The following DOP1B variants were observed in gnomAD, a reference collection of about 807,000 sequenced individuals.
The protein encoded by DOP1B is protein DOP1B.
In DOP1B, 174 loss-of-function variants were observed where a neutral mutation model predicts 233.5. The ratio of observed to expected loss-of-function variants is 0.75; its 90% CI spans 0.66 to 0.85. The LOEUF is 0.85. DOP1B is among the 40% of genes least tolerant of loss of function. The pLI, the probability that DOP1B is intolerant of heterozygous loss-of-function variation, is 0.00. For synonymous variants in DOP1B, 1,190 were observed against 1,185.6 expected (o/e 1.00, Z -0.08); for missense variants, 2,652 against 2,846.6 (o/e 0.93, Z 1.56).
intron 2 of DOP1B, among the ~76,000 whole-genome samples, chr21:36,198,167 C>T: frequency 6.6e-6 from 1 of 152,060 alleles, no homozygotes; most frequent in East Asian, 1.9e-4. Context: ...CAGTGGATCA[C>T]ATCTGTAATT....
rs147068237 is a variant in DOP1B at position 36,238,399 on chromosome 21, A to G, written c.2776-202A>G. Reference sequence around the variant, plus strand: ...AGTTCTGAATGTGCCGCTGTGTTAAAGTGAACAATCAGAGAGAGAGGATGC... The same window carrying G: ...AGTTCTGAATGTGCCGCTGTGTTAAGGTGAACAATCAGAGAGAGAGGATGC... On this transcript the variant is annotated intron_variant, in intron 16 of 36. Transcript: ENST00000691173. Among the ~76,000 whole-genome samples, 3 of 152,308 alleles carry G rather than the reference A, an allele frequency of 2.0e-5. No individual in the cohort carries two copies. In the East Asian group the frequency reaches 5.8e-4, roughly 29 times the overall value.
At chr21:36,252,752 C>A (rs959761404) in intron 22 of DOP1B, among the ~76,000 whole-genome samples, 2 of 152,084 alleles carry the variant, frequency 1.3e-5, no homozygotes, top group African/African-American at 4.8e-5. Flanking sequence ...CCTCGTGATC[C>A]GCCTGCCTCG....
At chr21:36,161,560 C>T (rs1369519585) in intron 1 of DOP1B, among the ~76,000 whole-genome samples, 1 of 152,014 alleles carries the variant, frequency 6.6e-6, no homozygotes, top group African/African-American at 2.4e-5. Context: ...TTGTTTGTGA[C>T]CCAGGCTGGT....
Position 36,294,156 on chromosome 21 carries a change from A to T in DOP1B, c.*585A>T, listed in dbSNP as rs1409925494. ...CAAAATTTGTAATATGAAGTAAAGT[A>T]TGAAGATAATGAAGAAGTTGTTTTC... On this transcript the variant is annotated 3_prime_UTR_variant, in exon 37 of 37. Coordinates refer to ENST00000691173, the MANE Select transcript of DOP1B (RefSeq NM_001320714.2). 6.5e-6 allele frequency: 1 copy of T among 153,076 alleles called. No individual in the cohort carries two copies. Among genetic ancestry groups the T allele is most frequent in the Non-Finnish European group, 1.5e-5 (1 of 68,384 alleles). 9.5% of individuals were successfully genotyped at this position (153,076 alleles called of 1,614,324 possible). A position where few individuals can be genotyped will look rare whatever the true frequency, so the allele number is the denominator to read the frequency against.
At chr21:36,196,455 G>C (rs2066290889) in intron 2 of DOP1B, among the ~76,000 whole-genome samples, 1 of 151,718 alleles carries the variant, frequency 6.6e-6, no homozygotes, top group Non-Finnish European at 1.5e-5. Flanking sequence ...TTCCTTCTCT[G>C]CTGCTACCGT....
intron 12 of DOP1B, among the ~76,000 whole-genome samples, chr21:36,227,436 G>A (rs149100715): frequency 0.036 from 5,295 of 146,346 alleles, 171 homozygotes; most frequent in African/African-American, 0.089. Context: ...AGTCCCAGCT[G>A]CTCGGGAGGC....
At position 36,281,531 on chromosome 21, in the gene DOP1B, C is replaced by T; in HGVS notation, c.6080C>T (p.Ala2027Val). 6.2e-7 allele frequency: 1 copy of T among 1,610,034 alleles called. No individual in the cohort carries two copies. The highest frequency in any genetic ancestry group is 8.5e-7 in the Non-Finnish European group (1 of 1,176,642). The change falls in exon 32 of 37, where the codon GCC (alanine) becomes GTC (valine). Residue 2027 changes from alanine to valine, a missense_variant. This residue lies in a region of DOP1B where 2,617 missense variants were observed against 2,794.3 expected (regional missense o/e 0.94). Transcript: ENST00000691173. ...CTATTCTCAAGTTTTGAACAGAAAG[C>T]CATGCTGTTAAAGCGCCAGGCTTTT... Reference protein sequence around the residue: ...LKLFSSFEQKAMLLKRQAFAV... With the variant: ...LKLFSSFEQKVMLLKRQAFAV...
Position 36,169,848 on chromosome 21 carries a change from G to A in DOP1B, c.138+4977G>A, listed in dbSNP as rs558667857. 3.5e-5 allele frequency: 31 copies of A among 894,932 alleles called. No individual in the cohort carries two copies. The East Asian group carries it at 4.8e-4, about 14-fold the overall frequency. 55.4% of individuals were successfully genotyped at this position (894,932 alleles called of 1,614,324 possible). Reference sequence around the variant, plus strand: ...TAGAGAAACACCTTTTGCACTCATCGTTGATGTGCTCAGCAAAGATGGCCT... The same window carrying A: ...TAGAGAAACACCTTTTGCACTCATCATTGATGTGCTCAGCAAAGATGGCCT... On this transcript the variant is annotated intron_variant, in intron 2 of 36. Transcript: ENST00000691173.
At chr21:36,220,433 G>C (rs1322241796) in intron 10 of DOP1B, among the ~76,000 whole-genome samples, 1 of 152,098 alleles carries the variant, frequency 6.6e-6, no homozygotes, top group Non-Finnish European at 1.5e-5. Context: ...TAAATACATA[G>C]ATGCCTGTCT....
intron 2 of DOP1B, 126 bp from the exon 3 acceptor site, chr21:36,198,944 G>A: frequency 9.9e-7 from 1 of 1,008,726 alleles, no homozygotes; most frequent in Non-Finnish European, 1.4e-6. Context: ...CCCCTTTGTT[G>A]TGTATGTCTC....
At chr21:36,180,218 C>A (rs1348451502) in intron 2 of DOP1B, among the ~76,000 whole-genome samples, 5 of 152,166 alleles carry the variant, frequency 3.3e-5, no homozygotes, top group African/African-American at 1.2e-4. Flanking sequence ...GAAGTGACAT[C>A]TTTACACACT....
intron 2 of DOP1B, among the ~76,000 whole-genome samples, chr21:36,172,278 C>T (rs1013575693): frequency 2.6e-5 from 4 of 152,062 alleles, no homozygotes; most frequent in Admixed American, 6.6e-5. Context: ...TTCCCCGGGC[C>T]GTCAGCAAGC....
chr21:36,293,399 A>G lies in DOP1B; in HGVS notation c.6725A>G (p.Gln2242Arg), dbSNP rs1276331271. 2 of 1,614,024 alleles carry G rather than the reference A, an allele frequency of 1.2e-6. No homozygotes were observed. Among genetic ancestry groups the G allele is most frequent in the Admixed American group, 1.7e-5 (1 of 59,982 alleles). ...LRQHSVSSIR[Q>R]LMPFFMTLNG... ...CAACATTCTGTTTCCAGCATCAGGC[A>G]GTTGATGCCATTCTTCATGACTCTA... Residue 2242 changes from glutamine to arginine, a missense_variant, in exon 37 of 37, where the codon CAG becomes CGG. This residue lies in a region of DOP1B where 2,617 missense variants were observed against 2,794.3 expected (regional missense o/e 0.94). Coordinates refer to ENST00000691173, the MANE Select transcript of DOP1B (RefSeq NM_001320714.2).
chr21:36,289,781 G>A (rs1160477068), intron 35 of DOP1B, among the ~76,000 whole-genome samples: 1 of 152,162 alleles, frequency 6.6e-6, no homozygotes, highest in African/African-American at 2.4e-5. Context: ...CTAAGTGAAA[G>A]AAGCCAGTCT....
chr21:36,205,407 G>A (rs2066415757), intron 4 of DOP1B, among the ~76,000 whole-genome samples: 1 of 151,174 alleles, frequency 6.6e-6, no homozygotes, highest in Admixed American at 6.6e-5. Context: ...TTTGTTTTTT[G>A]AGATGGAGTC....
intron 17 of DOP1B, 95 bp downstream of exon 17, chr21:36,238,796 T>G: frequency 8.0e-7 from 1 of 1,245,136 alleles, no homozygotes; most frequent in South Asian, 1.2e-5. Context: ...GAGAGGAGCG[T>G]GCAGTTGAAA....
chr21:36,238,738 C>T (rs762858589), intron 17 of DOP1B, 37 bp downstream of exon 17: 16 of 1,601,398 alleles, frequency 1.0e-5, no homozygotes, highest in Non-Finnish European at 1.2e-5. Flanking sequence ...CGTTAACTCA[C>T]GAGGAAACTC....
intron 12 of DOP1B, among the ~76,000 whole-genome samples, chr21:36,227,342 T>G (rs997081513): frequency 5.3e-5 from 8 of 151,570 alleles, no homozygotes; most frequent in African/African-American, 1.7e-4. Context: ...AGTCAGGAGA[T>G]CGAGACCATC....
intron 12 of DOP1B, among the ~76,000 whole-genome samples, chr21:36,226,407 C>T (rs542717039): frequency 6.6e-5 from 10 of 151,960 alleles, no homozygotes; most frequent in African/African-American, 1.9e-4. Context: ...AAGTGATTCT[C>T]CTGCCTCGGC....
Sources: allele counts gnomAD v4.1 joint callset (sites outside exome capture counted in the v4.1 genomes callset), GRCh38; gene constraint gnomAD v4.1.1; regional missense constraint gnomAD v4.1.1; transcripts MANE v1.5; gene names NCBI Gene and HGNC (gene_info 2026-07-23, HGNC 2026-07-21).